The following TENM3 variants were observed in gnomAD, a reference collection of about 807,000 sequenced individuals.
TENM3 encodes teneurin transmembrane protein 3, also known as teneurin-3.
In TENM3, 63 loss-of-function variants were observed where a neutral mutation model predicts 255.1. The ratio of observed to expected loss-of-function variants is 0.25; its 90% CI spans 0.20 to 0.30. The LOEUF is 0.30. Ranked by LOEUF, TENM3 falls within the 10% of genes least tolerant of loss-of-function variation. The pLI is 1.00. For missense variants in TENM3, 2,929 were observed against 3,461.1 expected (o/e 0.85, Z 3.86); for synonymous variants, 1,306 against 1,322.3 (o/e 0.99, Z 0.27).
intron 1 of TENM3, among the ~76,000 whole-genome samples, chr4:182,271,606 G>GT (rs1451200931): frequency 6.6e-6 from 1 of 152,204 alleles, no homozygotes; most frequent in African/African-American, 2.4e-5. Context: ...ATTTAGAGAT[G>GT]TTTTGATTTC....
the TENM3 span, among the ~76,000 whole-genome samples, chr4:181,779,586 A>C: frequency 5.3e-5 from 8 of 152,148 alleles, no homozygotes; most frequent in South Asian, 4.1e-4. Flanking sequence ...ATACTTATTT[A>C]TATAATTTGG....
intron 3 of TENM3, among the ~76,000 whole-genome samples, chr4:182,546,593 G>A (rs1010861494): frequency 1.3e-5 from 2 of 151,642 alleles, no homozygotes. Flanking sequence ...GAGCCACTGT[G>A]CCTGGCTGAC....
At chr4:182,589,518 C>A (rs1225200407) in intron 3 of TENM3, among the ~76,000 whole-genome samples, 1 of 147,348 alleles carries the variant, frequency 6.8e-6, no homozygotes, top group Non-Finnish European at 1.5e-5. Context: ...GATACACTTA[C>A]CCCAAGTTTG....
At chr4:182,770,498 A>T (rs980210635) in intron 22 of TENM3, among the ~76,000 whole-genome samples, 13 of 152,074 alleles carry the variant, frequency 8.5e-5, no homozygotes, top group Admixed American at 1.3e-4. Context: ...TGACTGCCTG[A>T]TCCCACAGTC....
At chr4:182,322,135 T>C (rs1371432012) in intron 1 of TENM3, among the ~76,000 whole-genome samples, 1 of 152,122 alleles carries the variant, frequency 6.6e-6, no homozygotes, top group African/African-American at 2.4e-5. Flanking sequence ...TTAAGAGCTA[T>C]TGGAAGAATT....
chr4:182,498,724 G>A (rs554954464), intron 3 of TENM3, among the ~76,000 whole-genome samples: 7 of 152,156 alleles, frequency 4.6e-5, no homozygotes, highest in African/African-American at 1.4e-4. Context: ...GCGTGGTGGC[G>A]TGTGCCTGTA....
chr4:182,016,029 T>A, the TENM3 span, among the ~76,000 whole-genome samples: 2 of 152,294 alleles, frequency 1.3e-5, no homozygotes, highest in Middle Eastern at 3.4e-3. Context: ...ATTTTGGGAA[T>A]CTGATGTCAT....
Position 182,430,089 on chromosome 4 carries a change from C to T in TENM3, c.511+83160C>T, listed in dbSNP as rs188300691. 7.9e-5 allele frequency among the ~76,000 whole-genome samples: 12 copies of T among 152,236 alleles called. No individual in the cohort carries two copies. The East Asian group carries it at 2.3e-3, about 29-fold the overall frequency. Reference sequence around the variant, plus strand: ...GCAGTATTATCACTGAGTGACATGACGCAGCTGTGTTTGTGGTCGGGAGGA... The same window carrying T: ...GCAGTATTATCACTGAGTGACATGATGCAGCTGTGTTTGTGGTCGGGAGGA... On this transcript the variant is annotated intron_variant, in intron 3 of 27. Coordinates refer to ENST00000511685, the MANE Select transcript of TENM3 (RefSeq NM_001080477.4).
chr4:182,176,571 G>A lies in TENM3; in HGVS notation c.-76+31817G>A, dbSNP rs189301281. On this transcript the variant is annotated intron_variant, in intron 1 of 2. Transcript: ENST00000512480. Reference sequence around the variant, plus strand: ...GAATGACAAATTTTAAAATAAACTCGTAATTATTTGTTAAAACAGTCACCA... The same window carrying A: ...GAATGACAAATTTTAAAATAAACTCATAATTATTTGTTAAAACAGTCACCA... Among the ~76,000 whole-genome samples the A allele has an allele frequency of 3.9e-5, 6 of 152,166 alleles. No individual in the cohort carries two copies. The South Asian group carries it at 6.2e-4, about 16-fold the overall frequency.
intron 3 of TENM3, among the ~76,000 whole-genome samples, chr4:182,393,256 T>C (rs1157565820): frequency 6.6e-6 from 1 of 152,224 alleles, no homozygotes; most frequent in Admixed American, 6.5e-5. Flanking sequence ...GCCTGTCATC[T>C]AAGAGACCTG....
At chr4:181,754,128 A>G in the TENM3 span, among the ~76,000 whole-genome samples, 4 of 152,340 alleles carry the variant, frequency 2.6e-5, no homozygotes, top group Middle Eastern at 3.4e-3. Context: ...TCTTCCATCA[A>G]GTAACTAGAC....
the TENM3 span, among the ~76,000 whole-genome samples, chr4:181,948,426 C>T: frequency 1.3e-5 from 2 of 151,856 alleles, no homozygotes; most frequent in African/African-American, 4.8e-5. Context: ...ATAATTTTTT[C>T]TGTTTTTAAG....
At chr4:182,595,766 A>T (rs1475359684) in intron 3 of TENM3, among the ~76,000 whole-genome samples, 3 of 152,096 alleles carry the variant, frequency 2.0e-5, no homozygotes, top group African/African-American at 4.8e-5. Context: ...AAAATAATTG[A>T]TACCTTTTCT....
chr4:181,767,156 G>A, the TENM3 span, among the ~76,000 whole-genome samples: 4 of 148,404 alleles, frequency 2.7e-5, no homozygotes, highest in East Asian at 6.0e-4. Context: ...GGAGGCTGAG[G>A]CAGGAGAATG....
At chr4:182,067,002 C>A in the TENM3 span, among the ~76,000 whole-genome samples, 2 of 152,172 alleles carry the variant, frequency 1.3e-5, no homozygotes, top group African/African-American at 2.4e-5. Context: ...CTTTCACTGA[C>A]CATGGCTCTG....
the TENM3 span, among the ~76,000 whole-genome samples, chr4:181,519,249 T>C: frequency 6.6e-6 from 1 of 152,088 alleles, no homozygotes; most frequent in African/African-American, 2.4e-5. Flanking sequence ...AAAAACAGAG[T>C]GAGGCAGAGA....
At chr4:182,674,138 A>G (rs1755460352) in intron 7 of TENM3, among the ~76,000 whole-genome samples, 1 of 152,200 alleles carries the variant, frequency 6.6e-6, no homozygotes, top group Non-Finnish European at 1.5e-5. Context: ...TATATTCAAT[A>G]ATCAGTTTAT....
chr4:182,224,438 A>G (rs776731517), intron 1 of TENM3, among the ~76,000 whole-genome samples: 5 of 152,238 alleles, frequency 3.3e-5, no homozygotes, highest in African/African-American at 4.8e-5. Flanking sequence ...TGTCAAAGGT[A>G]ATCCTCCCAG....
intron 4 of TENM3, among the ~76,000 whole-genome samples, chr4:182,620,396 A>G (rs1175626080): frequency 1.3e-5 from 2 of 152,204 alleles, no homozygotes; most frequent in Admixed American, 1.3e-4. Context: ...ATATAGTGCA[A>G]TGAAAGAGCC....
Sources: allele counts gnomAD v4.1 joint callset (sites outside exome capture counted in the v4.1 genomes callset), GRCh38; gene constraint gnomAD v4.1.1; transcripts MANE v1.5; gene names NCBI Gene and HGNC (gene_info 2026-07-23, HGNC 2026-07-21).